The following INPP5F variants were observed in gnomAD, a reference collection of about 807,000 sequenced individuals.
INPP5F encodes inositol polyphosphate-5-phosphatase F.
Under a neutral mutation model 137.2 loss-of-function variants are expected in INPP5F, and 97 were observed. That is an observed-to-expected ratio of 0.71 (90% CI 0.60 to 0.84). The LOEUF (loss-of-function observed/expected upper bound fraction) is 0.84. Ranked by LOEUF, INPP5F falls within the 40% of genes least tolerant of loss-of-function variation. INPP5F has a pLI of 0.00. For missense variants in INPP5F, 1,271 were observed against 1,371.9 expected, an observed-to-expected ratio of 0.93 and a Z score of 1.16; for synonymous variants, 504 against 476.9, an observed-to-expected ratio of 1.06 and a Z score of -0.74.
chr10:119,819,804 CTGA>C (rs972532014), intron 15 of INPP5F: 19 of 310,262 alleles, frequency 6.1e-5, no homozygotes, highest in African/African-American at 3.9e-4. Context: ...CGAGGTGTCT[CTGA>C]TGTAAAAAAC....
chr10:119,786,059 A>G (rs553332944), intron 3 of INPP5F, among the ~76,000 whole-genome samples: 14 of 152,316 alleles, frequency 9.2e-5, no homozygotes, highest in Admixed American at 3.9e-4. Flanking sequence ...AGTTTCCATC[A>G]GACACCTGTT....
At chr10:119,823,025 G>A in intron 17 of INPP5F, 46 bp from the exon 18 acceptor site, 5 of 1,542,516 alleles carry the variant, frequency 3.2e-6, no homozygotes, top group Non-Finnish European at 4.4e-6. Flanking sequence ...AGAAGAAAAT[G>A]TTATGTGAAA....
chr10:119,746,676 A>G (rs1030134326), intron 1 of INPP5F, among the ~76,000 whole-genome samples: 4 of 152,242 alleles, frequency 2.6e-5, no homozygotes, highest in African/African-American at 9.6e-5. Context: ...CAAAGAGTTG[A>G]AGTCCTTAAT....
At chr10:119,785,535 CGAGAGAGAGAGAGAGAGAGA>C (rs59804262) in intron 3 of INPP5F, among the ~76,000 whole-genome samples, 44 of 93,626 alleles carry the variant, frequency 4.7e-4, no homozygotes, top group Middle Eastern at 6.0e-3. Flanking sequence ...GTGATCCGCT[CGAGAGAGAGAGAGAGAGAGA>C]GAGAGAGAGA....
chr10:119,804,085 C>A, intron 9 of INPP5F, 88 bp from the exon 10 acceptor site: 3 of 901,112 alleles, frequency 3.3e-6, no homozygotes, highest in Non-Finnish European at 4.9e-6. Context: ...TTAAAAACCA[C>A]ACTGTGATTC....
chr10:119,795,092 C>G, intron 6 of INPP5F, among the ~76,000 whole-genome samples: 1 of 143,960 alleles, frequency 6.9e-6, no homozygotes, highest in Non-Finnish European at 1.6e-5. Context: ...CCCCCACCTC[C>G]CTCCCTCCCG....
chr10:119,808,036 G>A lies in INPP5F; in HGVS notation c.1545G>A (p.Gln515=). ...WANNGDSISR[Q]YAGTAALKGD... is the part of the protein sequence containing the mutation. Reference sequence around the variant, plus strand: ...ATAATGGTGACTCCATTAGCAGACAGTATGCTGGGACAGCTGCTCTGAAGG... The same window carrying A: ...ATAATGGTGACTCCATTAGCAGACAATATGCTGGGACAGCTGCTCTGAAGG... The change falls in exon 13 of 20, where the codon CAG becomes CAA. Residue 515 remains glutamine (Q), a synonymous_variant. Coordinates refer to ENST00000650623, the MANE Select transcript of INPP5F (RefSeq NM_014937.4). 6.2e-7 allele frequency: 1 copy of A among 1,613,610 alleles called. No individual in the cohort carries two copies. The highest frequency in any genetic ancestry group is 8.5e-7 in the Non-Finnish European group (1 of 1,179,912).
chr10:119,756,402 G>A (rs977470198), intron 2 of INPP5F, among the ~76,000 whole-genome samples: 1 of 151,986 alleles, frequency 6.6e-6, no homozygotes, highest in Non-Finnish European at 1.5e-5. Flanking sequence ...TTGGGAGGTC[G>A]AGGCGGGTGG....
chr10:119,804,900 A>G (rs566964241), intron 10 of INPP5F, among the ~76,000 whole-genome samples: 60 of 151,860 alleles, frequency 4.0e-4, no homozygotes, highest in African/African-American at 1.3e-3. Flanking sequence ...TAACTTCTGT[A>G]TTTTTTGATA....
intron 2 of INPP5F, among the ~76,000 whole-genome samples, chr10:119,771,845 G>GAGATATATATATAT (rs1445944351): frequency 9.1e-5 from 3 of 32,796 alleles, no homozygotes; most frequent in East Asian, 1.8e-3. Flanking sequence ...AAAGTATGGA[G>GAGATATATATATAT]ATATATATAT....
intron 2 of INPP5F, among the ~76,000 whole-genome samples, chr10:119,764,870 G>T (rs969610931): frequency 2.6e-5 from 4 of 151,934 alleles, no homozygotes; most frequent in Admixed American, 2.6e-4. Context: ...GAGCCACCAC[G>T]CCTGGCCCCT....
At chr10:119,738,251 G>A (rs990187690) in intron 1 of INPP5F, among the ~76,000 whole-genome samples, 1 of 152,202 alleles carries the variant, frequency 6.6e-6, no homozygotes, top group East Asian at 1.9e-4. Context: ...CTATACTTTT[G>A]TAATTTGTAA....
At chr10:119,736,900 T>A (rs1019555916) in intron 1 of INPP5F, among the ~76,000 whole-genome samples, 3 of 152,210 alleles carry the variant, frequency 2.0e-5, no homozygotes, top group Admixed American at 6.5e-5. Context: ...GATAGCTCAC[T>A]GCAGCCTCGA....
At chr10:119,754,100 G>A (rs941502377) in intron 2 of INPP5F, among the ~76,000 whole-genome samples, 2 of 152,206 alleles carry the variant, frequency 1.3e-5, no homozygotes, top group African/African-American at 2.4e-5. Flanking sequence ...AAACTGACAA[G>A]CAGTTAAAAA....
intron 4 of INPP5F, 68 bp downstream of exon 4, chr10:119,791,713 C>T: frequency 3.5e-6 from 5 of 1,431,896 alleles, no homozygotes; most frequent in Non-Finnish European, 3.8e-6. Flanking sequence ...GATAATTCTC[C>T]ACTCAGAAAA....
chr10:119,755,230 A>G (rs542449906), intron 2 of INPP5F, among the ~76,000 whole-genome samples: 131 of 152,322 alleles, frequency 8.6e-4, no homozygotes, highest in African/African-American at 3.0e-3. Flanking sequence ...CTTAAACAAC[A>G]GAATCATATT....
rs931370694 is a variant in INPP5F at position 119,726,146 on chromosome 10, C to G, written c.-117C>G. ...CGGGGCGTTCCCTCTGCCGCTGCTT[C>G]TCGGCGCGGTTCCTACCCGGCCGCT... On this transcript the variant is annotated 5_prime_UTR_variant, in exon 1 of 20. Coordinates refer to ENST00000650623, the MANE Select transcript of INPP5F (RefSeq NM_014937.4). The G allele has an allele frequency of 2.7e-5, 14 of 523,026 alleles. No homozygotes were observed. Among genetic ancestry groups the G allele is most frequent in the Non-Finnish European group, 3.6e-5 (12 of 337,206 alleles). The allele number at this position is 523,026 out of a possible 1,614,324, so 32.4% of individuals were successfully genotyped here.
chr10:119,810,729 A>G (rs1043324516), intron 14 of INPP5F, among the ~76,000 whole-genome samples: 3 of 152,208 alleles, frequency 2.0e-5, no homozygotes, highest in African/African-American at 2.4e-5. Context: ...AGGAAATGGA[A>G]GGATAGATTG....
intron 10 of INPP5F, among the ~76,000 whole-genome samples, chr10:119,804,710 A>G (rs1428333342): frequency 6.6e-6 from 1 of 151,232 alleles, no homozygotes; most frequent in Non-Finnish European, 1.5e-5. Context: ...AGAGGAAAAC[A>G]ACAACAATCA....
Sources: allele counts gnomAD v4.1 joint callset (sites outside exome capture counted in the v4.1 genomes callset), GRCh38; gene constraint gnomAD v4.1.1; transcripts MANE v1.5; gene names NCBI Gene and HGNC (gene_info 2026-07-23, HGNC 2026-07-21).